Variants in CORO2A observed in about 807,000 individuals in gnomAD.
CORO2A encodes the protein coronin-2A.
A neutral mutation model predicts 62.4 loss-of-function variants in CORO2A; 47 were observed. That is an observed-to-expected ratio of 0.75 (90% CI 0.60 to 0.96). The LOEUF is 0.96. CORO2A is among the 40% of genes least tolerant of loss of function. CORO2A has a pLI of 0.00. For synonymous variants in CORO2A, 273 were observed against 268.9 expected (o/e 1.02, Z -0.15); for missense variants, 610 against 684.1 (o/e 0.89, Z 1.21).
chr9:98,137,621 C>T lies in CORO2A; in HGVS notation c.269G>A (p.Trp90Ter). The change falls in exon 3 of 12, where the codon TGG becomes TAG. Residue 90 changes from tryptophan (W) to a stop codon, truncating the protein, a stop_gained. Transcript: ENST00000375077. LOFTEE classifies it high-confidence loss of function. ...GHRGNVLDVKWNPFDDFEIAS... is the reference protein window; with the variant it reads ...GHRGNVLDVK Reference sequence around the variant, plus strand: ...GATCTCAAAATCATCAAAAGGGTTCCACTTGACATCCAAAACGTTGCCTCT... The same window carrying T: ...GATCTCAAAATCATCAAAAGGGTTCTACTTGACATCCAAAACGTTGCCTCT... 1 of 1,614,212 alleles carries T rather than the reference C, an allele frequency of 6.2e-7. No individual in the cohort carries two copies. The highest frequency in any genetic ancestry group is 8.5e-7 in the Non-Finnish European group (1 of 1,180,050).
intron 11 of CORO2A, among the ~76,000 whole-genome samples, chr9:98,125,965 G>A (rs1587988906): frequency 6.6e-6 from 1 of 150,834 alleles, no homozygotes; most frequent in South Asian, 2.1e-4. Flanking sequence ...AGATCCACCC[G>A]CCTTGGCCTA....
intron 2 of CORO2A, among the ~76,000 whole-genome samples, chr9:98,145,564 C>T (rs1462383721): frequency 6.6e-6 from 1 of 152,144 alleles, no homozygotes; most frequent in African/African-American, 2.4e-5. Flanking sequence ...CTCTGAGGTT[C>T]CAAACAGTTG....
Position 98,124,665 on chromosome 9 carries a change from A to C in CORO2A, c.*109T>G. The stretch of plus-strand genomic sequence containing the variant: ...GCGATGGAGAGTTTTGTTTTCTGGT[A>C]AAAAATATAGAAATAGTGGTTGTCC... On this transcript the variant is annotated 3_prime_UTR_variant, in exon 12 of 12. Transcript: ENST00000375077. The C allele has an allele frequency of 8.7e-7, 1 of 1,147,664 alleles. No homozygotes were observed. Among genetic ancestry groups the C allele is most frequent in the Non-Finnish European group, 1.1e-6 (1 of 869,828 alleles). The allele number at this position is 1,147,664 out of a possible 1,614,324, so 71.1% of individuals were successfully genotyped here.
At chr9:98,149,038 T>C (rs1413278210) in intron 2 of CORO2A, among the ~76,000 whole-genome samples, 1 of 152,148 alleles carries the variant, frequency 6.6e-6, no homozygotes, top group Non-Finnish European at 1.5e-5. Flanking sequence ...TGGAATGTTC[T>C]GTATCTTGAC....
chr9:98,184,759 G>A (rs1828218557), intron 1 of CORO2A, among the ~76,000 whole-genome samples: 1 of 152,148 alleles, frequency 6.6e-6, no homozygotes, highest in Non-Finnish European at 1.5e-5. Context: ...TTAAATCAAG[G>A]GGTGTGTGGT....
At chr9:98,147,967 G>C (rs1019999227) in intron 2 of CORO2A, among the ~76,000 whole-genome samples, 4 of 152,018 alleles carry the variant, frequency 2.6e-5, no homozygotes, top group African/African-American at 9.7e-5. Flanking sequence ...GGACACAGAG[G>C]CAGGAGTGGT....
intron 3 of CORO2A, among the ~76,000 whole-genome samples, chr9:98,136,223 T>C (rs1827484912): frequency 6.6e-6 from 1 of 152,218 alleles, no homozygotes; most frequent in Non-Finnish European, 1.5e-5. Context: ...GGGGACAGTT[T>C]CAGATATTTG....
At chr9:98,186,889 C>T (rs1348595279) in intron 1 of CORO2A, among the ~76,000 whole-genome samples, 2 of 152,170 alleles carry the variant, frequency 1.3e-5, no homozygotes, top group Non-Finnish European at 2.9e-5. Flanking sequence ...GCTCACTGCC[C>T]AGGTCCCACA....
chr9:98,158,372 T>C (rs996836566), intron 1 of CORO2A, among the ~76,000 whole-genome samples: 4 of 152,172 alleles, frequency 2.6e-5, no homozygotes, highest in Non-Finnish European at 5.9e-5. Flanking sequence ...TTAGACCCCT[T>C]GGTGCATGGC....
chr9:98,181,808 C>T (rs946350256), intron 1 of CORO2A, among the ~76,000 whole-genome samples: 4 of 152,120 alleles, frequency 2.6e-5, no homozygotes, highest in Non-Finnish European at 5.9e-5. Context: ...CAGGCCATGG[C>T]TCCCCTCACA....
chr9:98,169,213 C>G (rs1170041681), intron 1 of CORO2A, among the ~76,000 whole-genome samples: 1 of 146,158 alleles, frequency 6.8e-6, no homozygotes, highest in East Asian at 1.9e-4. Flanking sequence ...CGCCCCCGCG[C>G]CGCCCATCCT....
In CORO2A at chr9:98,128,685, G is replaced by A. The variant is rs1827363644; in HGVS notation, c.1002C>T (p.Ser334=). The change falls in exon 9 of 12, where the codon TCC becomes TCT. Residue 334 remains serine (S), a synonymous_variant. Coordinates refer to ENST00000375077, the MANE Select transcript of CORO2A (RefSeq NM_052820.4). ...GCTTGTAGAAGCGGAAGATCTCGCA[G>A]GAGGACACGTCGAGTCCTCTCTTTG... is the stretch of plus-strand genomic sequence containing the variant. The part of the protein sequence containing the change: ...VMPKRGLDVS[S]CEIFRFYKLI... 6.2e-7 allele frequency: 1 copy of A among 1,614,066 alleles called. No individual in the cohort carries two copies.
chr9:98,186,957 G>C (rs1040804209), intron 1 of CORO2A, among the ~76,000 whole-genome samples: 1 of 152,090 alleles, frequency 6.6e-6, no homozygotes, highest in South Asian at 2.1e-4. Context: ...GTCTTCGTCC[G>C]TTGCTGCAGC....
chr9:98,128,748 T>G (rs1281212179), intron 8 of CORO2A, 29 bp from the exon 9 acceptor site: 2 of 1,598,310 alleles, frequency 1.3e-6, no homozygotes, highest in Non-Finnish European at 1.7e-6. Flanking sequence ...GGCCAAGAGG[T>G]TCTGGCTAGG....
chr9:98,137,695 G>A lies in CORO2A; in HGVS notation c.202-7C>T, dbSNP rs1827506489. 6.2e-7 allele frequency: 1 copy of A among 1,609,920 alleles called. No homozygotes were observed. The highest frequency in any genetic ancestry group is 1.7e-4 in the Middle Eastern group (1 of 6,056). On this transcript the variant is annotated splice_polypyrimidine_tract_variant and splice_region_variant and intron_variant, in intron 2 of 11. Transcript: ENST00000375077. ...GGGGGTCCAACTTCCCTGTCTGCAA[G>A]ACAGTGCCCAGGAGGGTTGGGGAGG...
At chr9:98,147,136 A>G (rs1356064647) in intron 2 of CORO2A, among the ~76,000 whole-genome samples, 1 of 151,962 alleles carries the variant, frequency 6.6e-6, no homozygotes. Context: ...AGAAACATCA[A>G]TCAAATGCAA....
At chr9:98,157,235 G>C in intron 2 of CORO2A, 1 of 504,148 alleles carries the variant, frequency 2.0e-6, no homozygotes, top group South Asian at 3.1e-5. Context: ...CAGAGAAGAG[G>C]AGAGGTGCTA....
chr9:98,127,077 C>A (rs1827332441), intron 10 of CORO2A: 7 of 558,376 alleles, frequency 1.3e-5, no homozygotes, highest in Admixed American at 9.2e-5. Context: ...CTGAAGCAGC[C>A]CCCAAACACT....
chr9:98,138,819 C>T (rs1020092604), intron 2 of CORO2A, among the ~76,000 whole-genome samples: 13 of 151,406 alleles, frequency 8.6e-5, no homozygotes, highest in East Asian at 2.0e-4. Context: ...GGGGCCGAGG[C>T]GGGTGGATCA....
Sources: gnomAD v4.1 joint callset for allele counts (sites outside exome capture counted in the v4.1 genomes callset) on GRCh38, gnomAD v4.1.1 for gene constraint, MANE v1.5 for transcripts, NCBI Gene and HGNC (gene_info 2026-07-23, HGNC 2026-07-21) for gene names.